Variants in PAQR8 observed in about 807,000 individuals in gnomAD.
The protein encoded by PAQR8 is membrane progestin receptor beta.
A neutral mutation model predicts 25.2 loss-of-function variants in PAQR8; 17 were observed. The ratio of observed to expected loss-of-function variants is 0.67; its 90% CI spans 0.46 to 1.01. The LOEUF is 1.01. Ranked by LOEUF, PAQR8 falls within the 50% of genes least tolerant of loss-of-function variation. The pLI, the probability that PAQR8 is intolerant of heterozygous loss-of-function variation, is 0.00. For synonymous variants in PAQR8, 204 were observed against 190.6 expected, an observed-to-expected ratio of 1.07 and a Z score of -0.58; for missense variants, 392 against 448.4, an observed-to-expected ratio of 0.87 and a Z score of 1.14.
At chr6:52,396,372 G>A (rs952680497) in intron 1 of PAQR8, among the ~76,000 whole-genome samples, 1 of 152,206 alleles carries the variant, frequency 6.6e-6, no homozygotes, top group Non-Finnish European at 1.5e-5. Flanking sequence ...CCAGTATTAA[G>A]AGTATTAAGA....
intron 1 of PAQR8, among the ~76,000 whole-genome samples, chr6:52,368,309 T>C (rs1459622385): frequency 6.6e-6 from 1 of 152,178 alleles, no homozygotes; most frequent in Non-Finnish European, 1.5e-5. Context: ...TGGTTCTCAG[T>C]CCTGGCTATA....
chr6:52,393,805 C>T (rs1763737514), intron 1 of PAQR8, among the ~76,000 whole-genome samples: 1 of 152,184 alleles, frequency 6.6e-6, no homozygotes, highest in African/African-American at 2.4e-5. Flanking sequence ...TAAGGAAAGT[C>T]CTATAATGAA....
rs557873098 is a variant in PAQR8 at position 52,407,441 on chromosome 6, G to A, written c.*3163G>A. The A allele has an allele frequency of 1.8e-5, 3 of 167,112 alleles. No homozygotes were observed. Among genetic ancestry groups the A allele is most frequent in the African/African-American group, 7.2e-5 (3 of 41,556 alleles). The allele number at this position is 167,112 out of a possible 1,614,324, so 10.4% of individuals were successfully genotyped here. On this transcript the variant is annotated 3_prime_UTR_variant, in exon 2 of 2. Transcript: ENST00000442253. ...TATTCTCAAGAGTCTTCTACTGGAA[G>A]CTAGAAAGAAATAGGAATTTAAGTC... is the stretch of plus-strand genomic sequence containing the variant.
chr6:52,372,650 C>T (rs1763433070), intron 1 of PAQR8, among the ~76,000 whole-genome samples: 1 of 151,776 alleles, frequency 6.6e-6, no homozygotes, highest in South Asian at 2.1e-4. Context: ...AAATTTCAAA[C>T]AGGCAGAGGT....
rs1763861639 is a variant in PAQR8, at chr6:52,403,362, A to G, written c.149A>G (p.Tyr50Cys). The change falls in exon 2 of 2, where the codon TAC becomes TGC. Residue 50 changes from tyrosine to cysteine, a missense_variant. By Grantham distance (194) the Tyr-to-Cys change is radical. Coordinates refer to ENST00000442253, the MANE Select transcript of PAQR8 (RefSeq NM_133367.5). ...GTGCCCCAGCTCTTCCGGGAGCCTT[A>G]CATCCGCACCGGCTACCGCCCCACG... ...TDVPQLFREPYIRTGYRPTGH... is the reference protein window; with the variant it reads ...TDVPQLFREPCIRTGYRPTGH... The G allele has an allele frequency of 6.2e-7, 1 of 1,614,250 alleles. No homozygotes were observed. The highest frequency in any genetic ancestry group is 8.5e-7 in the Non-Finnish European group (1 of 1,180,040).
intron 1 of PAQR8, among the ~76,000 whole-genome samples, chr6:52,366,650 C>A (rs1562425936): frequency 6.6e-6 from 1 of 152,122 alleles, no homozygotes; most frequent in Non-Finnish European, 1.5e-5. Flanking sequence ...ACGAAACTTT[C>A]CTGGAATGTT....
chr6:52,380,188 G>A (rs12197497), intron 1 of PAQR8, among the ~76,000 whole-genome samples: 30,340 of 152,224 alleles, frequency 0.2, 3,523 homozygotes, highest in Non-Finnish European at 0.26. Flanking sequence ...GTAGAAATGC[G>A]GTATTAAATC....
intron 1 of PAQR8, among the ~76,000 whole-genome samples, chr6:52,375,314 T>C (rs1434006659): frequency 6.6e-6 from 1 of 152,186 alleles, no homozygotes; most frequent in African/African-American, 2.4e-5. Context: ...GAGGTTGGCA[T>C]GACAAGTGAA....
chr6:52,389,627 G>T (rs1466187663), intron 1 of PAQR8, among the ~76,000 whole-genome samples: 1 of 152,220 alleles, frequency 6.6e-6, no homozygotes, highest in African/African-American at 2.4e-5. Flanking sequence ...TGACTTGCTT[G>T]ACTCTTTATA....
intron 1 of PAQR8, among the ~76,000 whole-genome samples, chr6:52,363,991 G>T (rs1763320624): frequency 6.6e-6 from 1 of 150,782 alleles, no homozygotes. Context: ...AATTATGTAT[G>T]GTAATTATTT....
chr6:52,396,831 C>G (rs950322171), intron 1 of PAQR8, among the ~76,000 whole-genome samples: 2 of 152,168 alleles, frequency 1.3e-5, no homozygotes, highest in African/African-American at 4.8e-5. Context: ...GGAGATGAGT[C>G]TGAAGTGCCC....
At chr6:52,385,246 C>A (rs1230143074) in intron 1 of PAQR8, among the ~76,000 whole-genome samples, 1 of 152,210 alleles carries the variant, frequency 6.6e-6, no homozygotes, top group Non-Finnish European at 1.5e-5. Flanking sequence ...GGAAACCCCT[C>A]TCATTCTCTC....
rs1236592795 is a variant in PAQR8 at position 52,405,598 on chromosome 6, G to C, written c.*1320G>C. The stretch of plus-strand genomic sequence containing the variant: ...TGACTTCTGCACTAATCCAGTGAAG[G>C]AGGCTGTGTCAAAAGAAGGGCTCAG... On this transcript the variant is annotated 3_prime_UTR_variant, in exon 2 of 2. Coordinates refer to ENST00000442253, the MANE Select transcript of PAQR8 (RefSeq NM_133367.5). The C allele has an allele frequency of 1.2e-5, 2 of 167,110 alleles. No homozygotes were observed. The highest frequency in any genetic ancestry group is 1.3e-4 in the Admixed American group (2 of 15,284). 10.4% of individuals were successfully genotyped at this position (167,110 alleles called of 1,614,324 possible).
rs1581801269 is a variant in PAQR8 at position 52,407,240 on chromosome 6, A to T, written c.*2962A>T. 6.0e-6 allele frequency: 1 copy of T among 167,076 alleles called. No homozygotes were observed. Among genetic ancestry groups the T allele is most frequent in the East Asian group, 1.9e-4 (1 of 5,200 alleles). 10.3% of individuals were successfully genotyped at this position (167,076 alleles called of 1,614,324 possible). A position where few individuals can be genotyped will look rare whatever the true frequency, so the allele number is the denominator to read the frequency against. On this transcript the variant is annotated 3_prime_UTR_variant, in exon 2 of 2. Transcript: ENST00000442253. ...AACTATCAGTCATTTACATCCTCTC[A>T]TGAATGAAATGCAGTGTAGGGAGAG...
chr6:52,364,713 G>A (rs1161861703), intron 1 of PAQR8, among the ~76,000 whole-genome samples: 1 of 152,172 alleles, frequency 6.6e-6, no homozygotes, highest in Non-Finnish European at 1.5e-5. Flanking sequence ...GTGGGGAATC[G>A]AGGTTGTCAA....
chr6:52,386,098 T>C lies in PAQR8; in HGVS notation c.-52-17064T>C, dbSNP rs893582901. On this transcript the variant is annotated intron_variant, in intron 1 of 1. Coordinates refer to ENST00000442253, the MANE Select transcript of PAQR8 (RefSeq NM_133367.5). ...TGGCCAAAAACATATGAAAAAATGC[T>C]CAACATCACTAATCATTAGAGAAAT... Among the ~76,000 whole-genome samples, 20 of 152,182 alleles carry C rather than the reference T, an allele frequency of 1.3e-4. 1 individual carries two copies. The highest frequency in any genetic ancestry group is 4.6e-4 in the African/African-American group (19 of 41,520).
At chr6:52,375,229 C>G (rs1426457677) in intron 1 of PAQR8, among the ~76,000 whole-genome samples, 1 of 152,034 alleles carries the variant, frequency 6.6e-6, no homozygotes, top group Non-Finnish European at 1.5e-5. Flanking sequence ...TCCATAACAC[C>G]TTGCCCTCTA....
intron 1 of PAQR8, among the ~76,000 whole-genome samples, chr6:52,386,290 G>A (rs777512779): frequency 6.6e-6 from 1 of 152,208 alleles, no homozygotes; most frequent in Non-Finnish European, 1.5e-5. Flanking sequence ...GCAGTTTGGA[G>A]ATTTCTCAGA....
rs943903478 is a variant in PAQR8, at chr6:52,406,322, G to T, written c.*2044G>T. 4 of 410,464 alleles carry T rather than the reference G, an allele frequency of 9.7e-6. No homozygotes were observed. The highest frequency in any genetic ancestry group is 1.3e-5 in the Non-Finnish European group (3 of 224,706). The allele number at this position is 410,464 out of a possible 1,614,324, so 25.4% of individuals were successfully genotyped here. The stretch of plus-strand genomic sequence containing the variant: ...GGAAGAGAGCAGAAGGGAAGAAGGT[G>T]TAAGTCAAGCTCTTGAATATAACTG... On this transcript the variant is annotated 3_prime_UTR_variant, in exon 2 of 2. Transcript: ENST00000442253.
Sources: gnomAD v4.1 joint callset for allele counts (sites outside exome capture counted in the v4.1 genomes callset) on GRCh38, gnomAD v4.1.1 for gene constraint, MANE v1.5 for transcripts, NCBI Gene and HGNC (gene_info 2026-07-23, HGNC 2026-07-21) for gene names.